Variants in GRIK3 observed in about 807,000 individuals in gnomAD.
GRIK3 encodes glutamate receptor ionotropic, kainate 3.
A neutral mutation model predicts 102.5 loss-of-function variants in GRIK3; 29 were observed. The observed-to-expected ratio is 0.28, with a 90% CI of 0.21 to 0.39. The LOEUF (loss-of-function observed/expected upper bound fraction) is 0.39. Among genes scored for constraint, GRIK3 ranks in the 10% least tolerant of loss-of-function variants. The pLI, the probability that GRIK3 is intolerant of heterozygous loss-of-function variation, is 1.00. For synonymous variants in GRIK3, 511 were observed against 504.9 expected, an observed-to-expected ratio of 1.01 and a Z score of -0.16; for missense variants, 908 against 1,252.4, an observed-to-expected ratio of 0.73 and a Z score of 4.15.
At chr1:36,912,143 C>T (rs1230169802) in intron 1 of GRIK3, among the ~76,000 whole-genome samples, 1 of 152,160 alleles carries the variant, frequency 6.6e-6, no homozygotes, top group Non-Finnish European at 1.5e-5. Flanking sequence ...CTCTGGGTTT[C>T]GTCCTGGGTC....
chr1:37,023,892 A>G (rs1184554840), intron 1 of GRIK3, among the ~76,000 whole-genome samples: 1 of 152,254 alleles, frequency 6.6e-6, no homozygotes, highest in Non-Finnish European at 1.5e-5. Flanking sequence ...CTGGTGGTCC[A>G]GAAACAATGA....
At chr1:37,000,594 A>G (rs914714675) in intron 1 of GRIK3, among the ~76,000 whole-genome samples, 4 of 152,224 alleles carry the variant, frequency 2.6e-5, no homozygotes, top group Admixed American at 2.6e-4. Context: ...ATATCATTCA[A>G]TGCCTACAAC....
intron 1 of GRIK3, among the ~76,000 whole-genome samples, chr1:37,022,809 G>A (rs778038376): frequency 1.4e-4 from 22 of 152,332 alleles, no homozygotes; most frequent in Non-Finnish European, 2.9e-4. Context: ...TAGGAGTCCT[G>A]CACTGTGCTA....
chr1:37,005,781 T>C (rs1024276438), intron 1 of GRIK3, among the ~76,000 whole-genome samples: 1 of 152,158 alleles, frequency 6.6e-6, no homozygotes, highest in African/African-American at 2.4e-5. Flanking sequence ...CTGGGCAACC[T>C]GGAATAAATA....
chr1:36,981,589 T>G (rs1191032021), intron 1 of GRIK3, among the ~76,000 whole-genome samples: 1 of 149,792 alleles, frequency 6.7e-6, no homozygotes, highest in East Asian at 2.0e-4. Flanking sequence ...AGCCTGTAAG[T>G]GACAAACTAG....
intron 5 of GRIK3, among the ~76,000 whole-genome samples, chr1:36,865,298 G>A (rs1640771021): frequency 6.6e-6 from 1 of 152,316 alleles, no homozygotes; most frequent in South Asian, 2.1e-4. Context: ...AATGGCAGCT[G>A]GGGTAATTAA....
intron 1 of GRIK3, among the ~76,000 whole-genome samples, chr1:36,947,155 C>T (rs1641792918): frequency 1.3e-5 from 2 of 152,118 alleles, no homozygotes; most frequent in Non-Finnish European, 2.9e-5. Context: ...GATGGACCAT[C>T]TGCTCCTGGC....
intron 6 of GRIK3, 139 bp from the exon 7 acceptor site, chr1:36,859,390 ACT>A (rs532092285): frequency 5.7e-5 from 50 of 881,270 alleles, no homozygotes; most frequent in South Asian, 3.8e-4. Context: ...CCTGGAGGTG[ACT>A]CTGTCTACGC....
intron 2 of GRIK3, among the ~76,000 whole-genome samples, chr1:36,890,571 TGACCTGGTGGCTCA>T (rs1448614650): frequency 6.6e-6 from 1 of 152,196 alleles, no homozygotes; most frequent in African/African-American, 2.4e-5. Context: ...ATTGGGTCTC[TGACCTGGTGGCTCA>T]GTATGTGGAG....
chr1:36,913,215 C>G (rs2124297016), intron 1 of GRIK3, among the ~76,000 whole-genome samples: 1 of 152,318 alleles, frequency 6.6e-6, no homozygotes, highest in Admixed American at 6.5e-5. Context: ...AACCCGGGCA[C>G]CTGCTCCATA....
intron 1 of GRIK3, among the ~76,000 whole-genome samples, chr1:36,963,171 T>C (rs957853208): frequency 4.6e-5 from 7 of 152,136 alleles, no homozygotes; most frequent in African/African-American, 1.4e-4. Flanking sequence ...CATCTGCCTC[T>C]CCACAGGAGC....
intron 1 of GRIK3, among the ~76,000 whole-genome samples, chr1:36,952,835 G>C (rs1209771680): frequency 1.3e-5 from 2 of 152,192 alleles, no homozygotes; most frequent in African/African-American, 4.8e-5. Flanking sequence ...TTCAGGGAAG[G>C]GTTCTTCAAG....
chr1:36,940,916 C>T (rs941792220), intron 1 of GRIK3, among the ~76,000 whole-genome samples: 1 of 152,214 alleles, frequency 6.6e-6, no homozygotes, highest in African/African-American at 2.4e-5. Context: ...AGGGAGGAGC[C>T]TGTGGTTCCC....
intron 1 of GRIK3, among the ~76,000 whole-genome samples, chr1:36,971,401 C>T (rs936439185): frequency 3.3e-5 from 5 of 152,200 alleles, no homozygotes; most frequent in African/African-American, 9.7e-5. Flanking sequence ...CAAGGGATGG[C>T]ATGGCTTGAT....
chr1:36,807,396 G>A (rs1253349382), intron 13 of GRIK3, among the ~76,000 whole-genome samples: 2 of 152,186 alleles, frequency 1.3e-5, no homozygotes, highest in African/African-American at 2.4e-5. Context: ...CTGATCTCAG[G>A]GGAACAGGTG....
chr1:36,926,170 C>T (rs955382165), intron 1 of GRIK3, among the ~76,000 whole-genome samples: 9 of 152,128 alleles, frequency 5.9e-5, no homozygotes, highest in African/African-American at 1.9e-4. Context: ...TAGGAAGGCT[C>T]GGCCCTACCC....
chr1:36,962,973 G>A (rs1198380971), intron 1 of GRIK3, among the ~76,000 whole-genome samples: 1 of 151,958 alleles, frequency 6.6e-6, no homozygotes, highest in Non-Finnish European at 1.5e-5. Context: ...GTGGGTAGAG[G>A]TGGCCAAGGG....
intron 10 of GRIK3, among the ~76,000 whole-genome samples, chr1:36,841,161 C>T (rs1380208990): frequency 6.6e-6 from 1 of 152,158 alleles, no homozygotes; most frequent in African/African-American, 2.4e-5. Context: ...CCCTCACCTG[C>T]CTGCTTGGGC....
At chr1:36,805,954 A>AG in intron 14 of GRIK3, 150 bp downstream of exon 14, 2 of 547,898 alleles carry the variant, frequency 3.7e-6, no homozygotes, top group East Asian at 6.1e-5. Flanking sequence ...AAAAAAAAAA[A>AG]AAAAAAAGAA....
Sources: gnomAD v4.1 joint callset for allele counts (sites outside exome capture counted in the v4.1 genomes callset) on GRCh38, gnomAD v4.1.1 for gene constraint, MANE v1.5 for transcripts, NCBI Gene and HGNC (gene_info 2026-07-23, HGNC 2026-07-21) for gene names.